The following CSGALNACT1 variants were observed in gnomAD, a reference collection of about 807,000 sequenced individuals.
The protein encoded by CSGALNACT1 is beta4GalNAcT-1.
A neutral mutation model predicts 51.0 loss-of-function variants in CSGALNACT1; 52 were observed. The observed-to-expected ratio is 1.02, with a 90% CI of 0.82 to 1.29. CSGALNACT1 has a LOEUF of 1.29. Ranked by LOEUF, CSGALNACT1 falls within the 50% of genes most tolerant of loss-of-function variation. The pLI is 0.00. For missense variants in CSGALNACT1, 935 were observed against 679.2 expected (o/e 1.38, Z -4.19); for synonymous variants, 341 against 254.4 (o/e 1.34, Z -3.24).
chr8:19,701,170 T>C (rs2061855630), intron 1 of CSGALNACT1, among the ~76,000 whole-genome samples: 1 of 144,700 alleles, frequency 6.9e-6, no homozygotes. Context: ...TTTTTTTTTT[T>C]TTTGATACAG....
upstream of CSGALNACT1, among the ~76,000 whole-genome samples, chr8:19,607,483 C>A (rs897445668): frequency 6.6e-6 from 1 of 152,184 alleles, no homozygotes; most frequent in African/African-American, 2.4e-5. Context: ...CGTAAAAGAG[C>A]TATTTTCCAG....
At chr8:19,668,637 C>T (rs2059562399) in intron 1 of CSGALNACT1, among the ~76,000 whole-genome samples, 1 of 152,144 alleles carries the variant, frequency 6.6e-6, no homozygotes, top group African/African-American at 2.4e-5. Context: ...TCACTACAAC[C>T]TCCACCTCCT....
At chr8:19,455,320 G>GA (rs572712685) in intron 5 of CSGALNACT1, among the ~76,000 whole-genome samples, 117 of 152,238 alleles carry the variant, frequency 7.7e-4, no homozygotes, top group Non-Finnish European at 1.2e-3. Context: ...GGCAAAAAAG[G>GA]AAATACAAAT....
chr8:19,475,219 C>T (rs982462959), intron 4 of CSGALNACT1, among the ~76,000 whole-genome samples: 1 of 152,088 alleles, frequency 6.6e-6, no homozygotes, highest in African/African-American at 2.4e-5. Flanking sequence ...ATGGCACAAT[C>T]AGAAAAATGC....
intron 1 of CSGALNACT1, among the ~76,000 whole-genome samples, chr8:19,615,242 G>A (rs915585196): frequency 5.3e-5 from 8 of 152,180 alleles, no homozygotes; most frequent in Non-Finnish European, 2.9e-5. Context: ...GGCAGAGGTT[G>A]CAGTGAGCCC....
intron 3 of CSGALNACT1, among the ~76,000 whole-genome samples, chr8:19,550,475 A>G (rs976881891): frequency 6.6e-6 from 1 of 152,080 alleles, no homozygotes; most frequent in Non-Finnish European, 1.5e-5. Context: ...CATGGATGCA[A>G]TATCTTCTCT....
At chr8:19,413,528 T>C (rs532556192) in intron 8 of CSGALNACT1, among the ~76,000 whole-genome samples, 2 of 152,354 alleles carry the variant, frequency 1.3e-5, no homozygotes, top group African/African-American at 4.8e-5. Flanking sequence ...AGCGGGTGTA[T>C]GTTTCCTGAA....
intron 3 of CSGALNACT1, among the ~76,000 whole-genome samples, chr8:19,513,428 CTCTCTCTCTA>C (rs2078849050): frequency 1.2e-5 from 1 of 82,890 alleles, no homozygotes; most frequent in Non-Finnish European, 2.5e-5. Flanking sequence ...CTCTCTCTCT[CTCTCTCTCTA>C]TATATATATA....
chr8:19,405,539 C>T (rs1393124725), exon 10 of CSGALNACT1: 1 of 662,334 alleles, frequency 1.5e-6, no homozygotes, highest in East Asian at 3.0e-5. Flanking sequence ...TATAATCTCA[C>T]AAGCATTCTG....
intron 1 of CSGALNACT1, among the ~76,000 whole-genome samples, chr8:19,752,960 C>G (rs1017818227): frequency 6.6e-6 from 1 of 152,182 alleles, no homozygotes; most frequent in African/African-American, 2.4e-5. Context: ...AGTTTAAAGA[C>G]TCATTCATTT....
intron 1 of CSGALNACT1, among the ~76,000 whole-genome samples, chr8:19,670,650 C>CAAACAAA: frequency 1.1e-5 from 1 of 92,848 alleles, no homozygotes; most frequent in Non-Finnish European, 1.9e-5. Context: ...CTACTGAAGA[C>CAAACAAA]AAAAAAAAAA....
chr8:19,441,564 G>C (rs1247386904), intron 5 of CSGALNACT1, among the ~76,000 whole-genome samples: 15 of 152,134 alleles, frequency 9.9e-5, no homozygotes, highest in South Asian at 4.2e-4. Flanking sequence ...ATACAAAAAT[G>C]AATTCAAGAT....
chr8:19,509,621 CAAAAAAAA>C (rs755422032), intron 3 of CSGALNACT1, among the ~76,000 whole-genome samples: 109 of 56,990 alleles, frequency 1.9e-3, no homozygotes, highest in African/African-American at 6.0e-3. Flanking sequence ...GACTCTGTCT[CAAAAAAAA>C]AAAAAAAAAA....
intron 1 of CSGALNACT1, among the ~76,000 whole-genome samples, chr8:19,668,931 T>G (rs957334538): frequency 1.1e-4 from 16 of 152,186 alleles, no homozygotes; most frequent in Admixed American, 2.6e-4. Context: ...TAGGAAACCT[T>G]TTGAAATACT....
intron 3 of CSGALNACT1, among the ~76,000 whole-genome samples, chr8:19,519,044 C>T (rs2080119499): frequency 6.6e-6 from 1 of 152,200 alleles, no homozygotes; most frequent in South Asian, 2.1e-4. Flanking sequence ...ATGCCTTGAC[C>T]AGGTACCAGC....
chr8:19,695,800 T>A (rs1374001566), intron 1 of CSGALNACT1, among the ~76,000 whole-genome samples: 1 of 152,180 alleles, frequency 6.6e-6, no homozygotes, highest in Non-Finnish European at 1.5e-5. Flanking sequence ...AGTCAAAAGC[T>A]TTCTCCTTCA....
At chr8:19,598,210 T>C (rs1385590600) in intron 2 of CSGALNACT1, among the ~76,000 whole-genome samples, 1 of 152,122 alleles carries the variant, frequency 6.6e-6, no homozygotes, top group African/African-American at 2.4e-5. Context: ...CAACACCTGA[T>C]TAAGGGTCAA....
intron 1 of CSGALNACT1, among the ~76,000 whole-genome samples, chr8:19,641,139 T>G (rs74461578): frequency 1.3e-5 from 2 of 148,292 alleles, no homozygotes; most frequent in Admixed American, 6.7e-5. Context: ...TTTTTTTTTT[T>G]TTTTTTTTTT....
intron 3 of CSGALNACT1, among the ~76,000 whole-genome samples, chr8:19,588,482 A>G (rs956189334): frequency 8.5e-5 from 13 of 152,222 alleles, no homozygotes; most frequent in African/African-American, 2.7e-4. Flanking sequence ...CTATACAAAT[A>G]CTGATTACCT....
Sources: allele counts gnomAD v4.1 joint callset (sites outside exome capture counted in the v4.1 genomes callset), GRCh38; gene constraint gnomAD v4.1.1; transcripts MANE v1.5; gene names NCBI Gene and HGNC (gene_info 2026-07-23, HGNC 2026-07-21).